The following ATP2B2 variants were observed in gnomAD, a reference collection of about 807,000 sequenced individuals.
The protein encoded by ATP2B2 is plasma membrane calcium-transporting ATPase 2.
In ATP2B2, 15 loss-of-function variants were observed where a neutral mutation model predicts 120.0. The observed-to-expected ratio is 0.12, with a 90% CI of 0.08 to 0.19. The LOEUF is 0.19. ATP2B2 is among the 10% of genes least tolerant of loss of function. ATP2B2 has a pLI of 1.00. For missense variants in ATP2B2, 1,045 were observed against 1,719.8 expected (o/e 0.61, Z 6.94); for synonymous variants, 694 against 700.3 (o/e 0.99, Z 0.14).
At position 10,397,152 on chromosome 3, in the gene ATP2B2, C is replaced by T. The variant is rs578108169; in HGVS notation, c.781+3801G>A. Among the ~76,000 whole-genome samples, 3 of 152,332 alleles carry T rather than the reference C, an allele frequency of 2.0e-5. No homozygotes were observed. The East Asian group carries it at 5.8e-4, about 29-fold the overall frequency. On this transcript the variant is annotated intron_variant, in intron 5 of 22. Transcript: ENST00000360273. ...CAGCCTGACACTCTGCTCAGCTTCT[C>T]CCCACTGCCTCTGGAGGACAGAGCC... is the stretch of plus-strand genomic sequence containing the variant.
At chr3:10,407,084 A>C (rs1402335327) in intron 3 of ATP2B2, among the ~76,000 whole-genome samples, 2 of 152,084 alleles carry the variant, frequency 1.3e-5, no homozygotes, top group Non-Finnish European at 2.9e-5. Flanking sequence ...GTTTCTCCCC[A>C]GTGCGGGAAG....
intron 2 of ATP2B2, among the ~76,000 whole-genome samples, chr3:10,604,193 C>T (rs1462435810): frequency 6.6e-6 from 1 of 152,130 alleles, no homozygotes; most frequent in East Asian, 1.9e-4. Context: ...AAATTTGACC[C>T]TTCTAGGATC....
Position 10,492,186 on chromosome 3 carries a change from G to GAT in ATP2B2, c.-320+13278_-320+13279insAT, listed in dbSNP as rs199767730. 3.3e-3 allele frequency among the ~76,000 whole-genome samples: 506 copies of GAT among 152,066 alleles called. 6 individuals are homozygous for GAT. Among genetic ancestry groups the GAT allele is most frequent in the East Asian group, 0.032 (164 of 5,154 alleles). Reference sequence around the variant, plus strand: ...TTTTCTGGCCACCCTGTGGGTTGGGGACACAGTAATTGCTGGCTTCTCCGG... The same window carrying GAT: ...TTTTCTGGCCACCCTGTGGGTTGGGGATACACAGTAATTGCTGGCTTCTCCGG... On this transcript the variant is annotated intron_variant, in intron 1 of 22. Coordinates refer to ENST00000360273, the MANE Select transcript of ATP2B2 (RefSeq NM_001001331.4).
At chr3:10,664,859 C>A (rs567321451) in intron 1 of ATP2B2, among the ~76,000 whole-genome samples, 454 of 152,290 alleles carry the variant, frequency 3.0e-3, no homozygotes, top group Non-Finnish European at 5.1e-3. Flanking sequence ...TCCCTCCCAT[C>A]TCAGGAAAAG....
intron 1 of ATP2B2, among the ~76,000 whole-genome samples, chr3:10,464,766 C>T (rs185698677): frequency 5.3e-5 from 8 of 152,332 alleles, no homozygotes; most frequent in African/African-American, 1.9e-4. Flanking sequence ...TAATGCAGGG[C>T]ACAGGGCTCA....
upstream of ATP2B2, among the ~76,000 whole-genome samples, chr3:10,508,788 GA>G (rs2066700570): frequency 6.6e-6 from 1 of 152,204 alleles, no homozygotes; most frequent in Non-Finnish European, 1.5e-5. Flanking sequence ...GCAACTCCAG[GA>G]AGGTTGGAAA....
intron 3 of ATP2B2, among the ~76,000 whole-genome samples, chr3:10,528,337 A>G (rs2067142172): frequency 6.6e-6 from 1 of 152,168 alleles, no homozygotes; most frequent in South Asian, 2.1e-4. Context: ...CCTGGGCCAA[A>G]CAGCACAGAA....
chr3:10,442,403 C>T (rs888380552), intron 2 of ATP2B2, among the ~76,000 whole-genome samples: 1 of 152,210 alleles, frequency 6.6e-6, no homozygotes, highest in African/African-American at 2.4e-5. Context: ...CCGTGCTCTC[C>T]CTGCCACCCC....
intron 5 of ATP2B2, among the ~76,000 whole-genome samples, chr3:10,397,399 C>A (rs1020702209): frequency 6.6e-6 from 1 of 152,224 alleles, no homozygotes; most frequent in African/African-American, 2.4e-5. Context: ...TTTTGTTCTT[C>A]ATTTTATTTG....
At chr3:10,554,577 G>T (rs766279272) in intron 2 of ATP2B2, among the ~76,000 whole-genome samples, 1 of 152,186 alleles carries the variant, frequency 6.6e-6, no homozygotes, top group Admixed American at 6.5e-5. Flanking sequence ...CTTCTCCCCC[G>T]CAGCCTCCAG....
intron 1 of ATP2B2, chr3:10,626,863 GAGACAC>G (rs1559493840): frequency 9.5e-6 from 1 of 105,390 alleles, no homozygotes; most frequent in African/African-American, 3.9e-5. Context: ...GACTGGTAGT[GAGACAC>G]ACACACACAC....
chr3:10,618,015 T>C lies in ATP2B2; in HGVS notation c.-415+1902A>G, dbSNP rs147550977. Among the ~76,000 whole-genome samples the C allele has an allele frequency of 6.7e-4, 102 of 152,206 alleles. 1 individual carries two copies. In the East Asian group the frequency reaches 0.019, roughly 28 times the overall value. The stretch of plus-strand genomic sequence containing the variant: ...ACTAATGAGACTGTGTCTAAGAAAA[T>C]ACATATATAGATAAAAGCAGGAAGG... On this transcript the variant is annotated intron_variant, in intron 2 of 21. Transcript: ENST00000646379.
At chr3:10,534,356 C>A (rs1270118235) in intron 2 of ATP2B2, among the ~76,000 whole-genome samples, 1 of 152,226 alleles carries the variant, frequency 6.6e-6, no homozygotes, top group Non-Finnish European at 1.5e-5. Context: ...GAGTGCAAGT[C>A]CACCTGCTGG....
intron 2 of ATP2B2, among the ~76,000 whole-genome samples, chr3:10,598,695 T>G (rs2068829326): frequency 6.6e-6 from 1 of 152,226 alleles, no homozygotes; most frequent in South Asian, 2.1e-4. Context: ...TAGATCAAAG[T>G]AAACAAGGAA....
At chr3:10,662,225 G>A in intron 1 of ATP2B2, among the ~76,000 whole-genome samples, 1 of 152,104 alleles carries the variant, frequency 6.6e-6, no homozygotes, top group East Asian at 1.9e-4. Context: ...GGCAACAAAA[G>A]CCAAAATTGA....
intron 5 of ATP2B2, among the ~76,000 whole-genome samples, chr3:10,398,561 C>A (rs2062118141): frequency 6.6e-6 from 1 of 152,250 alleles, no homozygotes; most frequent in South Asian, 2.1e-4. Flanking sequence ...CCTGCTGAGA[C>A]ATGGAATGCC....
At chr3:10,645,392 C>A (rs2070296355) in intron 1 of ATP2B2, among the ~76,000 whole-genome samples, 1 of 152,092 alleles carries the variant, frequency 6.6e-6, no homozygotes, top group Non-Finnish European at 1.5e-5. Context: ...AAATTTTGAT[C>A]ATTTCACAGG....
At chr3:10,548,856 T>C (rs2067606630) in intron 2 of ATP2B2, among the ~76,000 whole-genome samples, 1 of 152,206 alleles carries the variant, frequency 6.6e-6, no homozygotes, top group African/African-American at 2.4e-5. Flanking sequence ...CAGCGTAACA[T>C]GGAAAGCTCA....
chr3:10,506,837 C>A (rs1041912948), upstream of ATP2B2, among the ~76,000 whole-genome samples: 2 of 152,232 alleles, frequency 1.3e-5, no homozygotes, highest in Non-Finnish European at 2.9e-5. Flanking sequence ...TCTGAGCTGC[C>A]CGCCCGAGCG....
Sources: gnomAD v4.1 joint callset for allele counts (sites outside exome capture counted in the v4.1 genomes callset) on GRCh38, gnomAD v4.1.1 for gene constraint, MANE v1.5 for transcripts, NCBI Gene and HGNC (gene_info 2026-07-23, HGNC 2026-07-21) for gene names.